RELN: variants seen among roughly 807,000 people sequenced by gnomAD.
The protein encoded by RELN is reelin.
A neutral mutation model predicts 427.6 loss-of-function variants in RELN; 108 were observed. The observed-to-expected ratio is 0.25, with a 90% CI of 0.22 to 0.30. The LOEUF (loss-of-function observed/expected upper bound fraction) is 0.30, where lower values mean the gene tolerates loss of function less well. Ranked by LOEUF, RELN falls within the 10% of genes least tolerant of loss-of-function variation. The probability of loss-of-function intolerance (pLI) is 1.00; values close to 1 mark genes in which losing one functional copy is unlikely to be tolerated. For missense variants in RELN, 3,715 were observed against 4,302.8 expected, an observed-to-expected ratio of 0.86 and a Z score of 3.82; for synonymous variants, 1,524 against 1,513.4, an observed-to-expected ratio of 1.01 and a Z score of -0.16.
intron 63 of RELN, among the ~76,000 whole-genome samples, chr7:103,479,336 T>C (rs1828147280): frequency 6.6e-6 from 1 of 152,228 alleles, no homozygotes; most frequent in Non-Finnish European, 1.5e-5. Flanking sequence ...AAATATTCTA[T>C]GCTAGCAAAT....
intron 63 of RELN, among the ~76,000 whole-genome samples, chr7:103,482,594 G>T (rs1008114528): frequency 1.3e-5 from 2 of 152,120 alleles, no homozygotes; most frequent in African/African-American, 2.4e-5. Context: ...CCATTTACCT[G>T]GAGACTTTTG....
At chr7:103,773,100 T>TTTTCTTTCTTTCTTTCTTTCTTTC (rs550940718) in intron 4 of RELN, among the ~76,000 whole-genome samples, 16 of 128,706 alleles carry the variant, frequency 1.2e-4, no homozygotes, top group Non-Finnish European at 1.6e-4. Context: ...GGTTCTCCTC[T>TTTTCTTTCTTTCTTTCTTTCTTTC]TTTCTTTCTT....
chr7:103,745,893 C>T (rs1357197913), intron 6 of RELN, among the ~76,000 whole-genome samples: 1 of 152,216 alleles, frequency 6.6e-6, no homozygotes, highest in Non-Finnish European at 1.5e-5. Context: ...CAATGACTTT[C>T]TTCACAGAAC....
rs146633959 is a variant in RELN at position 103,927,339 on chromosome 7, T to C, written c.227-10154A>G. ...AGACTCTCTATTCCACATTTCAAAATCCAATTCATAAAATCTAAAATTGTT... is the reference window on the plus strand; with the variant it reads ...AGACTCTCTATTCCACATTTCAAAACCCAATTCATAAAATCTAAAATTGTT... On this transcript the variant is annotated intron_variant, in intron 1 of 64. Transcript: ENST00000428762. 7.2e-3 allele frequency among the ~76,000 whole-genome samples: 1,091 copies of C among 152,296 alleles called. 6 individuals are homozygous for C. Among genetic ancestry groups the C allele is most frequent in the Non-Finnish European group, 0.011 (752 of 68,006 alleles).
intron 2 of RELN, among the ~76,000 whole-genome samples, chr7:103,871,707 G>A (rs1245519472): frequency 3.3e-5 from 5 of 151,982 alleles, no homozygotes; most frequent in Non-Finnish European, 7.4e-5. Context: ...TTAGGCCTCA[G>A]GTATAAAGTA....
At chr7:103,902,645 C>G (rs541137760) in intron 2 of RELN, among the ~76,000 whole-genome samples, 1 of 152,216 alleles carries the variant, frequency 6.6e-6, no homozygotes, top group East Asian at 1.9e-4. Context: ...TTCAGACATT[C>G]AGAGTCCTGA....
chr7:103,574,427 T>C (rs1169819878), intron 29 of RELN, 128 bp from the exon 30 acceptor site: 4 of 784,192 alleles, frequency 5.1e-6, no homozygotes, highest in Non-Finnish European at 8.7e-6. Flanking sequence ...ACATGAAAAT[T>C]TGTATCTCAC....
chr7:103,624,074 G>A (rs935946800), intron 20 of RELN, among the ~76,000 whole-genome samples: 10 of 152,108 alleles, frequency 6.6e-5, no homozygotes, highest in African/African-American at 2.4e-4. Context: ...TAAATGAACT[G>A]TATTTAACTT....
chr7:103,643,299 G>A (rs1832730830), intron 16 of RELN, among the ~76,000 whole-genome samples: 1 of 151,952 alleles, frequency 6.6e-6, no homozygotes, highest in South Asian at 2.1e-4. Context: ...CTTACTTGTA[G>A]TATAAGCCTT....
chr7:103,910,977 G>A lies in RELN; in HGVS notation c.337+6098C>T, dbSNP rs1011063017. On this transcript the variant is annotated intron_variant, in intron 2 of 64. Transcript: ENST00000428762. The stretch of plus-strand genomic sequence containing the variant: ...TCATGTCCAAAACACCAAAAGCAAT[G>A]GCAACAAAAGCCAAAATTGACAAAT... Among the ~76,000 whole-genome samples the A allele has an allele frequency of 1.9e-4, 26 of 139,226 alleles. 4 individuals carry two copies. The highest frequency in any genetic ancestry group is 7.5e-4 in the African/African-American group (25 of 33,444). 91.3% of individuals were successfully genotyped at this position (139,226 alleles called of 152,430 possible).
intron 64 of RELN, chr7:103,476,759 T>G: frequency 2.6e-6 from 1 of 390,776 alleles, no homozygotes; most frequent in Admixed American, 2.7e-5. Context: ...TTAGGGGAAT[T>G]TTTAACATTT....
chr7:103,894,392 T>C (rs1442133880), intron 2 of RELN, among the ~76,000 whole-genome samples: 2 of 152,150 alleles, frequency 1.3e-5, no homozygotes, highest in Non-Finnish European at 2.9e-5. Context: ...CCCAAACAAA[T>C]GCAATTTCAA....
chr7:103,709,125 A>C (rs1449059056), intron 8 of RELN, among the ~76,000 whole-genome samples: 1 of 152,072 alleles, frequency 6.6e-6, no homozygotes, highest in Non-Finnish European at 1.5e-5. Context: ...AAATACAATA[A>C]TACTATTATT....
At chr7:103,949,346 T>C (rs1796286364) in intron 1 of RELN, among the ~76,000 whole-genome samples, 1 of 151,222 alleles carries the variant, frequency 6.6e-6, no homozygotes, top group Non-Finnish European at 1.5e-5. Context: ...GTTAAAATCC[T>C]AGTCCCCATC....
Position 103,833,554 on chromosome 7 carries a change from T to G in RELN, c.456A>C (p.Thr152=), listed in dbSNP as rs1339608999. The G allele has an allele frequency of 1.9e-6, 3 of 1,613,924 alleles. No individual in the cohort carries two copies. The highest frequency in any genetic ancestry group is 2.5e-6 in the Non-Finnish European group (3 of 1,179,940). The change falls in exon 3 of 65, where the codon ACA becomes ACC. Residue 152 remains threonine, a synonymous_variant. Transcript: ENST00000428762. Reference sequence around the variant, plus strand: ...GTACTTACATGAAATTCACACAGCCTGTGCCCGCAGGTGGAGCAATCCAGA... The same window carrying G: ...GTACTTACATGAAATTCACACAGCCGGTGCCCGCAGGTGGAGCAATCCAGA... ...SFIWIAPPAG[T]GCVNFMATAT...
At chr7:103,766,903 C>T (rs966626163) in intron 4 of RELN, among the ~76,000 whole-genome samples, 1 of 152,200 alleles carries the variant, frequency 6.6e-6, no homozygotes, top group Non-Finnish European at 1.5e-5. Context: ...TAGTTATAGC[C>T]GCTTCCATCA....
intron 6 of RELN, among the ~76,000 whole-genome samples, chr7:103,743,761 A>G (rs1295079643): frequency 6.6e-6 from 1 of 152,212 alleles, no homozygotes; most frequent in Non-Finnish European, 1.5e-5. Context: ...AGATTCATAA[A>G]GCAAGTCCTG....
intron 19 of RELN, among the ~76,000 whole-genome samples, chr7:103,632,873 A>T (rs761797337): frequency 6.6e-6 from 1 of 152,172 alleles, no homozygotes; most frequent in Non-Finnish European, 1.5e-5. Flanking sequence ...GAGGAGATTA[A>T]ATATAATAAT....
intron 20 of RELN, among the ~76,000 whole-genome samples, chr7:103,615,371 T>C (rs978746477): frequency 1.3e-5 from 2 of 152,210 alleles, no homozygotes; most frequent in Non-Finnish European, 2.9e-5. Flanking sequence ...CTCCTTTGCC[T>C]CGCCCTCCTT....
Sources: allele counts gnomAD v4.1 joint callset (sites outside exome capture counted in the v4.1 genomes callset), GRCh38; gene constraint gnomAD v4.1.1; transcripts MANE v1.5; gene names NCBI Gene and HGNC (gene_info 2026-07-23, HGNC 2026-07-21).